Variants in AUTS2 observed in about 807,000 individuals in gnomAD.
AUTS2 encodes the protein autism susceptibility gene 2 protein.
In AUTS2, 17 loss-of-function variants were observed where a neutral mutation model predicts 112.4. That is an observed-to-expected ratio of 0.15 (90% confidence interval 0.10 to 0.23). The LOEUF (loss-of-function observed/expected upper bound fraction) is 0.23, where lower values mean the gene tolerates loss of function less well. Among genes scored for constraint, AUTS2 ranks in the 10% least tolerant of loss-of-function variants. The pLI is 1.00. For missense variants in AUTS2, 1,510 were observed against 1,701.6 expected, an observed-to-expected ratio of 0.89 and a Z score of 1.98; for synonymous variants, 751 against 702.7, an observed-to-expected ratio of 1.07 and a Z score of -1.09.
At chr7:70,629,173 A>G (rs76942394) in intron 5 of AUTS2, among the ~76,000 whole-genome samples, 5,237 of 152,252 alleles carry the variant, frequency 0.034, 325 homozygotes, top group African/African-American at 0.12. Context: ...CAACCCTTCT[A>G]TTTAAAACAC....
intron 5 of AUTS2, among the ~76,000 whole-genome samples, chr7:70,612,180 G>A (rs38295): frequency 0.65 from 98,843 of 152,128 alleles, 32,741 homozygotes; most frequent in African/African-American, 0.74. Flanking sequence ...AGCCTTCTTT[G>A]TTCTATAAAG....
At chr7:69,611,059 T>G (rs1051193322) in intron 1 of AUTS2, among the ~76,000 whole-genome samples, 1 of 152,252 alleles carries the variant, frequency 6.6e-6, no homozygotes, top group Non-Finnish European at 1.5e-5. Context: ...CTATCAGAAC[T>G]GTGAAGTAAA....
chr7:69,886,763 TTGTGTGTGTGTGTGTGTGTGTG>T lies in AUTS2; in HGVS notation c.310-12497_310-12476del, dbSNP rs3220664. 6.2e-5 allele frequency among the ~76,000 whole-genome samples: 8 copies of T among 129,870 alleles called. 1 individual carries two copies. The East Asian group carries it at 1.1e-3, about 19-fold the overall frequency. The allele number at this position is 129,870 out of a possible 152,430, so 85.2% of individuals were successfully genotyped here. A position where few individuals can be genotyped will look rare whatever the true frequency, so the allele number is the denominator to read the frequency against. On this transcript the variant is annotated intron_variant, in intron 1 of 18. Transcript: ENST00000342771. ...GCCTGTTAATGCAGATTTGACTTCT[TTGTGTGTGTGTGTGTGTGTGTG>T]TGTGTGTGTGTGTGTGTGTGTGTGT... is the stretch of plus-strand genomic sequence containing the variant.
chr7:70,248,281 G>A (rs1230630461), intron 4 of AUTS2, among the ~76,000 whole-genome samples: 1 of 151,102 alleles, frequency 6.6e-6, no homozygotes, highest in Non-Finnish European at 1.5e-5. Flanking sequence ...GCTAATTTTT[G>A]TATTTTTAGT....
At chr7:70,558,904 C>T (rs1801360693) in intron 5 of AUTS2, among the ~76,000 whole-genome samples, 1 of 152,200 alleles carries the variant, frequency 6.6e-6, no homozygotes, top group South Asian at 2.1e-4. Flanking sequence ...ATTCCTGTTT[C>T]ACCTTTGAAG....
At chr7:69,948,463 G>A (rs998647937) in intron 2 of AUTS2, among the ~76,000 whole-genome samples, 1 of 152,160 alleles carries the variant, frequency 6.6e-6, no homozygotes, top group African/African-American at 2.4e-5. Flanking sequence ...CCTCCAGAAT[G>A]TAAGCAAACT....
At chr7:69,919,823 A>G (rs1283557869) in intron 2 of AUTS2, among the ~76,000 whole-genome samples, 1 of 152,192 alleles carries the variant, frequency 6.6e-6, no homozygotes, top group East Asian at 1.9e-4. Flanking sequence ...GATAATATTA[A>G]TATTTTAGAT....
chr7:70,686,623 C>T (rs1256283067), intron 5 of AUTS2, among the ~76,000 whole-genome samples: 3 of 151,912 alleles, frequency 2.0e-5, no homozygotes, highest in South Asian at 2.1e-4. Context: ...TGCAACCTCC[C>T]GGGTTCAAGC....
intron 2 of AUTS2, among the ~76,000 whole-genome samples, chr7:69,967,791 A>C (rs1432651468): frequency 6.6e-6 from 1 of 152,182 alleles, no homozygotes; most frequent in Non-Finnish European, 1.5e-5. Context: ...GTTAAGTTCA[A>C]GTATGCAGAG....
At chr7:69,629,146 A>G (rs1360742358) in intron 1 of AUTS2, among the ~76,000 whole-genome samples, 1 of 151,702 alleles carries the variant, frequency 6.6e-6, no homozygotes, top group Non-Finnish European at 1.5e-5. Context: ...ACTTCAAGCA[A>G]GACACTTTTG....
chr7:69,953,938 A>G (rs557889603), intron 2 of AUTS2, among the ~76,000 whole-genome samples: 3 of 152,258 alleles, frequency 2.0e-5, no homozygotes, highest in East Asian at 3.9e-4. Flanking sequence ...AGCTGAGCAG[A>G]TAACATATTT....
chr7:70,537,102 C>T (rs1173206438), intron 5 of AUTS2, among the ~76,000 whole-genome samples: 1 of 152,132 alleles, frequency 6.6e-6, no homozygotes, highest in East Asian at 1.9e-4. Flanking sequence ...CATTTTAGCC[C>T]CACTTTCAGA....
intron 4 of AUTS2, among the ~76,000 whole-genome samples, chr7:70,167,795 C>G (rs1444858762): frequency 6.6e-6 from 1 of 152,200 alleles, no homozygotes; most frequent in East Asian, 1.9e-4. Context: ...AATTCGATAA[C>G]ATACTTTTAA....
intron 4 of AUTS2, among the ~76,000 whole-genome samples, chr7:70,388,594 T>C (rs1793715652): frequency 6.6e-6 from 1 of 152,234 alleles, no homozygotes; most frequent in South Asian, 2.1e-4. Flanking sequence ...ATCATCTTCA[T>C]ATTGTAATGC....
In AUTS2 at chr7:70,657,794, G is replaced by A. The variant is rs552346522; in HGVS notation, c.691-40775G>A. Among the ~76,000 whole-genome samples, 297 of 152,202 alleles carry A rather than the reference G, an allele frequency of 2.0e-3. 1 individual carries two copies. Among genetic ancestry groups the A allele is most frequent in the African/African-American group, 6.3e-3 (261 of 41,528 alleles). The stretch of plus-strand genomic sequence containing the variant: ...AGTTGGTATTCAAGTCATCCGCATC[G>A]TACTTGACCACGTGTGAACAAGTAA... On this transcript the variant is annotated intron_variant, in intron 5 of 18. Coordinates refer to ENST00000342771, the MANE Select transcript of AUTS2 (RefSeq NM_015570.4).
chr7:70,319,918 G>A (rs1477117928), intron 4 of AUTS2, among the ~76,000 whole-genome samples: 1 of 152,180 alleles, frequency 6.6e-6, no homozygotes, highest in Admixed American at 6.5e-5. Flanking sequence ...ATGAATGAGT[G>A]AATGAACAAA....
intron 1 of AUTS2, among the ~76,000 whole-genome samples, chr7:69,717,249 A>G (rs1351489401): frequency 6.6e-6 from 1 of 152,156 alleles, no homozygotes; most frequent in African/African-American, 2.4e-5. Flanking sequence ...ATGGCTGTGT[A>G]TATTTATTTA....
intron 1 of AUTS2, among the ~76,000 whole-genome samples, chr7:69,604,581 G>A (rs1421955132): frequency 1.3e-5 from 2 of 152,214 alleles, no homozygotes; most frequent in African/African-American, 2.4e-5. Flanking sequence ...ACCTAGAAGG[G>A]TGAAGTGATT....
chr7:70,514,977 C>A (rs912773725), intron 5 of AUTS2, among the ~76,000 whole-genome samples: 1 of 152,008 alleles, frequency 6.6e-6, no homozygotes, highest in African/African-American at 2.4e-5. Context: ...AGTTGTTTAT[C>A]TTTTTTGTAT....
Sources: allele counts gnomAD v4.1 joint callset (sites outside exome capture counted in the v4.1 genomes callset), GRCh38; gene constraint gnomAD v4.1.1; transcripts MANE v1.5; gene names NCBI Gene and HGNC (gene_info 2026-07-23, HGNC 2026-07-21).